Variants in DDX47 observed in about 807,000 individuals in gnomAD.
DDX47 encodes DEAD-box helicase 47.
In DDX47, 60 loss-of-function variants were observed where a neutral mutation model predicts 58.8. The observed-to-expected ratio is 1.02, with a 90% CI of 0.83 to 1.26. DDX47 has a LOEUF of 1.26. DDX47 is among the 50% of genes most tolerant of loss of function. The probability of loss-of-function intolerance (pLI) is 0.00; values close to 1 mark genes in which losing one functional copy is unlikely to be tolerated. For missense variants in DDX47, 530 were observed against 573.2 expected, an observed-to-expected ratio of 0.92 and a Z score of 0.77; for synonymous variants, 197 against 204.6, an observed-to-expected ratio of 0.96 and a Z score of 0.32.
At position 12,814,198 on chromosome 12, in the gene DDX47, T is replaced by G. The variant is rs1288723628; in HGVS notation, c.155T>G (p.Ile52Ser). ...LGWTKPTKIQ[I>S]EAIPLALQGR... is the part of the protein sequence containing the mutation. ...TGGACAAAACCCACCAAGATCCAGA[T>G]TGAAGCTATTCCTTTGGCCTTACAA... is the stretch of plus-strand genomic sequence containing the variant. Residue 52 changes from isoleucine to serine, a missense_variant, in exon 2 of 12, where the codon ATT becomes AGT. Ile to Ser is a moderately radical substitution (Grantham distance 142, BLOSUM62 -2). Transcript: ENST00000358007. 6.2e-7 allele frequency: 1 copy of G among 1,612,396 alleles called. No homozygotes were observed. Among genetic ancestry groups the G allele is most frequent in the African/African-American group, 1.3e-5 (1 of 74,900 alleles).
chr12:12,827,995 C>T (rs1863082173), intron 11 of DDX47, among the ~76,000 whole-genome samples: 1 of 150,938 alleles, frequency 6.6e-6, no homozygotes, highest in South Asian at 2.1e-4. Flanking sequence ...CCTGCCTCAG[C>T]CTCCCGATTA....
intron 11 of DDX47, among the ~76,000 whole-genome samples, chr12:12,828,448 AAC>A (rs1863087230): frequency 6.6e-6 from 1 of 152,160 alleles, no homozygotes; most frequent in South Asian, 2.1e-4. Context: ...TGAAGTCCGA[AAC>A]ACTGCTGGTC....
chr12:12,821,905 T>G, intron 4 of DDX47, 60 bp from the exon 5 acceptor site: 1 of 1,301,734 alleles, frequency 7.7e-7, no homozygotes, highest in Non-Finnish European at 1.1e-6. Flanking sequence ...GTTTATTTGT[T>G]TTGTTTTTTT....
intron 8 of DDX47, 127 bp from the exon 9 acceptor site, chr12:12,824,413 C>A: frequency 1.0e-6 from 1 of 960,158 alleles, no homozygotes. Flanking sequence ...TGTGAAGCCC[C>A]ATTCAAAACT....
chr12:12,829,593 A>T lies in DDX47; in HGVS notation c.*39A>T. On this transcript the variant is annotated 3_prime_UTR_variant, in exon 12 of 12. Transcript: ENST00000358007. ...GGCTCGAGTTCTGCTGTTCTGTAAA[A>T]GAGAATTGGAGAATGAAACCTGCTC... 6.2e-7 allele frequency: 1 copy of T among 1,600,508 alleles called. No homozygotes were observed. The highest frequency in any genetic ancestry group is 8.5e-7 in the Non-Finnish European group (1 of 1,174,272).
intron 10 of DDX47, among the ~76,000 whole-genome samples, chr12:12,826,741 G>T (rs189371633): frequency 1.3e-5 from 2 of 151,502 alleles, no homozygotes; most frequent in East Asian, 3.9e-4. Context: ...CAAGCCACCT[G>T]CCTGGCCGAT....
At chr12:12,828,299 C>G (rs532369970) in intron 11 of DDX47, among the ~76,000 whole-genome samples, 1 of 152,188 alleles carries the variant, frequency 6.6e-6, no homozygotes, top group East Asian at 1.9e-4. Context: ...AAATTACCTT[C>G]AGACAATTAA....
At chr12:12,813,715 C>A (rs1862850056) in intron 1 of DDX47, among the ~76,000 whole-genome samples, 1 of 152,138 alleles carries the variant, frequency 6.6e-6, no homozygotes, top group African/African-American at 2.4e-5. Context: ...GGAGGTTGTA[C>A]ATATGGGGAA....
chr12:12,823,354 CTCT>C (rs764532383), intron 7 of DDX47, 35 bp downstream of exon 7: 53 of 1,229,710 alleles, frequency 4.3e-5, no homozygotes, highest in African/African-American at 1.0e-4. Flanking sequence ...CTGCCTCTCC[CTCT>C]TCTTTTCACC....
intron 2 of DDX47, among the ~76,000 whole-genome samples, chr12:12,819,124 T>G (rs1049618339): frequency 1.3e-5 from 2 of 152,344 alleles, no homozygotes; most frequent in African/African-American, 4.8e-5. Context: ...TCTTCTTTCT[T>G]GAAGCTGCCT....
intron 8 of DDX47, chr12:12,824,332 T>C: frequency 1.7e-6 from 1 of 578,402 alleles, no homozygotes; most frequent in Admixed American, 3.7e-5. Context: ...TTCTATCGTG[T>C]CAAACTACCC....
At chr12:12,824,795 A>G in intron 9 of DDX47, 118 bp downstream of exon 9, 1 of 1,112,226 alleles carries the variant, frequency 9.0e-7, no homozygotes, top group Admixed American at 2.3e-5. Flanking sequence ...GTATCAAAAA[A>G]CAAGAAAGCC....
At position 12,821,279 on chromosome 12, in the gene DDX47, G is replaced by T. The variant is rs766816468; in HGVS notation, c.253G>T (p.Ala85Ser). The change falls in exon 3 of 12, where the codon GCA (alanine) becomes TCA (serine). Residue 85 changes from alanine to serine, a missense_variant. Coordinates refer to ENST00000358007, the MANE Select transcript of DDX47 (RefSeq NM_016355.4). ...TGAFALPILN[A>S]LLETPQRLFA... The stretch of plus-strand genomic sequence containing the variant: ...CGCCTTTGCTTTGCCCATTCTAAAC[G>T]CACTGCTGGAGACCCCGCAGCGTTT... 1 of 1,614,172 alleles carries T rather than the reference G, an allele frequency of 6.2e-7. No homozygotes were observed. The highest frequency in any genetic ancestry group is 8.5e-7 in the Non-Finnish European group (1 of 1,180,032).
intron 2 of DDX47, among the ~76,000 whole-genome samples, chr12:12,817,445 G>T (rs988790667): frequency 6.6e-6 from 1 of 152,196 alleles, no homozygotes; most frequent in Non-Finnish European, 1.5e-5. Context: ...GGGCATGGTG[G>T]TTCATGCTTG....
At chr12:12,825,887 T>C in intron 9 of DDX47, 113 bp from the exon 10 acceptor site, 1 of 765,424 alleles carries the variant, frequency 1.3e-6, no homozygotes, top group East Asian at 3.0e-5. Flanking sequence ...TTTCTCCATG[T>C]TACGAAATGA....
intron 8 of DDX47, 115 bp from the exon 9 acceptor site, chr12:12,824,425 A>T: frequency 8.3e-7 from 1 of 1,199,276 alleles, no homozygotes; most frequent in Non-Finnish European, 1.2e-6. Context: ...TTCAAAACTT[A>T]GGGGGAAAAA....
chr12:12,824,386 A>G (rs560294312), intron 8 of DDX47, 154 bp from the exon 9 acceptor site: 111 of 705,590 alleles, frequency 1.6e-4, no homozygotes, highest in Non-Finnish European at 2.2e-4. Context: ...TGTTGCTTCC[A>G]TATTTCTGTT....
Position 12,827,385 on chromosome 12 carries a change from T to C in DDX47, c.1236+10T>C, listed in dbSNP as rs1327457356. ...AAGGTTTGCCCGAATGGTATGCATC[T>C]TTCTTTTCTCACCAGTGTCTGTGCA... On this transcript the variant is annotated intron_variant, in intron 11 of 11. Coordinates refer to ENST00000358007, the MANE Select transcript of DDX47 (RefSeq NM_016355.4). 3.7e-6 allele frequency: 6 copies of C among 1,613,722 alleles called. No individual in the cohort carries two copies. The highest frequency in any genetic ancestry group is 5.1e-6 in the Non-Finnish European group (6 of 1,179,914).
At chr12:12,818,955 A>G (rs922048744) in intron 2 of DDX47, among the ~76,000 whole-genome samples, 5 of 152,210 alleles carry the variant, frequency 3.3e-5, no homozygotes, top group Admixed American at 1.3e-4. Flanking sequence ...AAATTATGGG[A>G]GTACGACTCA....
Sources: allele counts gnomAD v4.1 joint callset (sites outside exome capture counted in the v4.1 genomes callset), GRCh38; gene constraint gnomAD v4.1.1; transcripts MANE v1.5; gene names NCBI Gene and HGNC (gene_info 2026-07-23, HGNC 2026-07-21).